HEATR3: variants seen among roughly 807,000 people sequenced by gnomAD.
HEATR3 encodes HEAT repeat containing 3, also known as HEAT repeat-containing protein 3.
HEATR3 carries 56 observed loss-of-function variants against 72.8 expected under a neutral mutation model. That is an observed-to-expected ratio of 0.77 (90% confidence interval 0.62 to 0.96). The LOEUF (loss-of-function observed/expected upper bound fraction) is 0.96. Among genes scored for constraint, HEATR3 ranks in the 40% least tolerant of loss-of-function variants. The probability of loss-of-function intolerance (pLI) is 0.00; values close to 1 mark genes in which losing one functional copy is unlikely to be tolerated. For synonymous variants in HEATR3, 331 were observed against 318.1 expected, an observed-to-expected ratio of 1.04 and a Z score of -0.43; for missense variants, 747 against 831.4, an observed-to-expected ratio of 0.90 and a Z score of 1.25.
Position 50,078,504 on chromosome 16 carries a change from GCAGTGTAT to G in HEATR3, c.764-233_764-226del, listed in dbSNP as rs1420335705. On this transcript the variant is annotated intron_variant, in intron 6 of 14. Transcript: ENST00000299192. ...AGTGTTCTCTGGGTCTGCTGATAAT[GCAGTGTAT>G]CAGAGAAAGGCATTGTGTGCCAAGG... Among the ~76,000 whole-genome samples the G allele has an allele frequency of 1.6e-4, 24 of 152,320 alleles. No homozygotes were observed. The East Asian group carries it at 4.1e-3, about 26-fold the overall frequency.
rs145278711 is a variant in HEATR3 at position 50,100,335 on chromosome 16, G to A, written c.1705G>A (p.Val569Ile). The A allele has an allele frequency of 1.5e-5, 24 of 1,614,084 alleles. No homozygotes were observed. The highest frequency in any genetic ancestry group is 1.6e-4 in the Middle Eastern group (1 of 6,062). ...VVSILGITGS[V>I]LAKEDGTLET... ...TAGCATTTTAGGAATCACTGGCAGC[G>A]TCCTTGCCAAAGAAGATGGTACACT... Residue 569 changes from valine to isoleucine, a missense_variant, in exon 13 of 15, where the codon GTC becomes ATC. Around this residue, in one of 2 missense-constraint regions of HEATR3, gnomAD observed 586 missense variants for 708.8 expected, o/e 0.83. Transcript: ENST00000299192.
intron 11 of HEATR3, among the ~76,000 whole-genome samples, chr16:50,093,610 T>C (rs2150620682): frequency 6.6e-6 from 1 of 152,278 alleles, no homozygotes; most frequent in South Asian, 2.1e-4. Flanking sequence ...GTCCAAAATG[T>C]CAGTAGTGCA....
At chr16:50,076,527 T>A (rs1272532564) in intron 6 of HEATR3, among the ~76,000 whole-genome samples, 1 of 151,928 alleles carries the variant, frequency 6.6e-6, no homozygotes, top group African/African-American at 2.4e-5. Context: ...CACATGAAAT[T>A]TACCGTCTTA....
intron 11 of HEATR3, among the ~76,000 whole-genome samples, chr16:50,086,822 G>C (rs1306428663): frequency 6.6e-6 from 1 of 151,996 alleles, no homozygotes; most frequent in Non-Finnish European, 1.5e-5. Flanking sequence ...CCAGCTACTC[G>C]GGAGGCTGAG....
chr16:50,073,406 A>G (rs2084526375), intron 5 of HEATR3: 2 of 152,260 alleles, frequency 1.3e-5, no homozygotes, highest in African/African-American at 2.4e-5. Context: ...GCGGGCATCC[A>G]GCTGTCCCTT....
intron 2 of HEATR3, chr16:50,066,871 T>A: frequency 3.6e-6 from 1 of 276,812 alleles, no homozygotes; most frequent in Non-Finnish European, 6.7e-6. Context: ...TCGTTCTAGA[T>A]GCAGGGGACT....
At position 50,105,544 on chromosome 16, in the gene HEATR3, T is replaced by C. The variant is rs2037468455; in HGVS notation, c.*483T>C. ...TTTGTGTGTGTGTTTTGTTTGTTTG[T>C]TTTGTTTTGTTGTTTTTTTCTTTTT... On this transcript the variant is annotated 3_prime_UTR_variant, in exon 15 of 15. Transcript: ENST00000299192. 6.5e-6 allele frequency: 1 copy of C among 154,172 alleles called. No individual in the cohort carries two copies. Among genetic ancestry groups the C allele is most frequent in the Non-Finnish European group, 1.4e-5 (1 of 70,014 alleles). 9.6% of individuals were successfully genotyped at this position (154,172 alleles called of 1,614,324 possible).
intron 11 of HEATR3, among the ~76,000 whole-genome samples, chr16:50,090,347 C>CT (rs1201748324): frequency 6.6e-6 from 1 of 151,890 alleles, no homozygotes; most frequent in African/African-American, 2.4e-5. Flanking sequence ...GAGTGAGACT[C>CT]TTATCTCAAT....
intron 7 of HEATR3, among the ~76,000 whole-genome samples, chr16:50,083,166 A>C (rs72796151): frequency 0.087 from 13,315 of 152,258 alleles, 680 homozygotes; most frequent in East Asian, 0.26. Flanking sequence ...TTGAAAACTG[A>C]AGTTTGGAAA....
rs1597170427 is a variant in HEATR3 at position 50,094,790 on chromosome 16, C to G, written c.1596C>G (p.Ser532=). 1 of 1,586,580 alleles carries G rather than the reference C, an allele frequency of 6.3e-7. No individual in the cohort carries two copies. The highest frequency in any genetic ancestry group is 2.3e-5 in the East Asian group (1 of 43,910). ...AAACAATGGCCTCCAAGAACATTTCCCAGGTAAGAGTTTTAAAATTTTTTG... is the reference window on the plus strand; with the variant it reads ...AAACAATGGCCTCCAAGAACATTTCGCAGGTAAGAGTTTTAAAATTTTTTG... ...LLQTMASKNI[S]QCMTPDQLMT... The change falls in exon 12 of 15, where the codon TCC becomes TCG. Residue 532 remains serine (S), a synonymous_variant. Coordinates refer to ENST00000299192, the MANE Select transcript of HEATR3 (RefSeq NM_182922.4).
chr16:50,094,791 C>T lies in HEATR3; in HGVS notation c.1597C>T (p.Gln533Ter), dbSNP rs1342000835. Reference sequence around the variant, plus strand: ...AACAATGGCCTCCAAGAACATTTCCCAGGTAAGAGTTTTAAAATTTTTTGT... The same window carrying T: ...AACAATGGCCTCCAAGAACATTTCCTAGGTAAGAGTTTTAAAATTTTTTGT... ...LQTMASKNIS[Q>*]CMTPDQLMTL... Residue 533 changes from glutamine (Q) to a stop codon, truncating the protein, a stop_gained and splice_region_variant, in exon 12 of 15, where the codon CAG (glutamine) becomes TAG (stop). Transcript: ENST00000299192. LOFTEE classifies it high-confidence loss of function. 6.3e-7 allele frequency: 1 copy of T among 1,585,286 alleles called. No individual in the cohort carries two copies. The highest frequency in any genetic ancestry group is 1.4e-5 in the African/African-American group (1 of 73,808).
intron 10 of HEATR3, among the ~76,000 whole-genome samples, chr16:50,085,170 G>A (rs1441729714): frequency 6.6e-6 from 1 of 152,018 alleles, no homozygotes; most frequent in Non-Finnish European, 1.5e-5. Context: ...ACCTGTAGGT[G>A]TCAGGGAGGT....
chr16:50,074,366 T>C (rs1289060513), intron 5 of HEATR3: 1 of 144,432 alleles, frequency 6.9e-6, no homozygotes, highest in Non-Finnish European at 1.5e-5. Context: ...TGAGATGGAG[T>C]CTCAGCTCTG....
intron 6 of HEATR3, among the ~76,000 whole-genome samples, chr16:50,077,419 T>C (rs4482279): frequency 1 from 151,427 of 151,806 alleles, 75,524 homozygotes; most frequent in Middle Eastern, 1. Flanking sequence ...CCTCCCAAAG[T>C]GCTGGAATTA....
intron 6 of HEATR3, 81 bp downstream of exon 6, chr16:50,075,792 A>G: frequency 1.8e-6 from 2 of 1,135,772 alleles, no homozygotes; most frequent in South Asian, 1.3e-5. Context: ...TTAGTCATTC[A>G]TTTCAACACA....
intron 7 of HEATR3, 125 bp from the exon 8 acceptor site, chr16:50,083,812 C>T: frequency 1.4e-6 from 1 of 716,000 alleles, no homozygotes; most frequent in African/African-American, 1.8e-5. Flanking sequence ...TTTTACCTAC[C>T]CCATTCCCCG....
rs551921149 is a variant in HEATR3, at chr16:50,103,685, GCTCT to G, written c.1920+1251_1921-1250del. 2.7e-4 allele frequency among the ~76,000 whole-genome samples: 41 copies of G among 152,290 alleles called. No individual in the cohort carries two copies. The East Asian group carries it at 7.5e-3, about 28-fold the overall frequency. On this transcript the variant is annotated intron_variant, in intron 14 of 14. Coordinates refer to ENST00000299192, the MANE Select transcript of HEATR3 (RefSeq NM_182922.4). ...TGCACACTAAAACCTGAGAGCCACT[GCTCT>G]AGACTAGAGGTGAGATCAAACTCAG... is the stretch of plus-strand genomic sequence containing the variant.
intron 11 of HEATR3, among the ~76,000 whole-genome samples, chr16:50,092,436 C>CTTTTTTCTTTTT (rs55971965): frequency 1.9e-5 from 2 of 106,032 alleles, no homozygotes; most frequent in Non-Finnish European, 3.5e-5. Flanking sequence ...TTTCTTTTTT[C>CTTTTTTCTTTTT]TTTTTTTTTT....
At position 50,087,275 on chromosome 16, in the gene HEATR3, A is replaced by C. The variant is rs552509668; in HGVS notation, c.1510+924A>C. On this transcript the variant is annotated intron_variant, in intron 11 of 14. Coordinates refer to ENST00000299192, the MANE Select transcript of HEATR3 (RefSeq NM_182922.4). ...CTTTCTTCAAACACCTTTGCATGGTAGGAGCTGATTCTCTTAAGTTACAGG... is the reference window on the plus strand; with the variant it reads ...CTTTCTTCAAACACCTTTGCATGGTCGGAGCTGATTCTCTTAAGTTACAGG... Among the ~76,000 whole-genome samples the C allele has an allele frequency of 2.0e-5, 3 of 152,346 alleles. No individual in the cohort carries two copies. The East Asian group carries it at 5.8e-4, about 29-fold the overall frequency.
Sources: gnomAD v4.1 joint callset for allele counts (sites outside exome capture counted in the v4.1 genomes callset) on GRCh38, gnomAD v4.1.1 for gene constraint, gnomAD v4.1.1 regional missense constraint, MANE v1.5 for transcripts, NCBI Gene and HGNC (gene_info 2026-07-23, HGNC 2026-07-21) for gene names.